REXO1: variants seen among roughly 807,000 people sequenced by gnomAD.
The protein encoded by REXO1 is RNA exonuclease 1 homolog.
In REXO1, 42 loss-of-function variants were observed where a neutral mutation model predicts 102.6. The observed-to-expected ratio is 0.41, with a 90% confidence interval of 0.32 to 0.53. REXO1 has a LOEUF of 0.53. Among genes scored for constraint, REXO1 ranks in the 20% least tolerant of loss-of-function variants. The pLI is 0.27. For synonymous variants in REXO1, 908 were observed against 779.1 expected, an observed-to-expected ratio of 1.17 and a Z score of -2.76; for missense variants, 1,819 against 1,732.5, an observed-to-expected ratio of 1.05 and a Z score of -0.89.
chr19:1,816,536 G>A lies in REXO1; in HGVS notation c.3351C>T (p.Asp1117=). ...GGACGTCACGCAGCGTGACACTTGT[G>A]TCGGCAAGGTCAGCCTCCGTCACCC... ...FSGVTEADLA[D]TSVTLRDVQA... The change falls in exon 14 of 16, where the codon GAC becomes GAT. Residue 1117 remains aspartate (D), a synonymous_variant. Transcript: ENST00000170168. 1 of 1,611,496 alleles carries A rather than the reference G, an allele frequency of 6.2e-7. No individual in the cohort carries two copies. The highest frequency in any genetic ancestry group is 8.5e-7 in the Non-Finnish European group (1 of 1,179,212).
In REXO1 at chr19:1,817,309, C is replaced by T. The variant is rs1164211770; in HGVS notation, c.3111G>A (p.Arg1037=). 6.2e-7 allele frequency: 1 copy of T among 1,612,864 alleles called. No individual in the cohort carries two copies. The highest frequency in any genetic ancestry group is 2.2e-5 in the East Asian group (1 of 44,884). The part of the protein sequence containing the change: ...QVAKQHVQDG[R]KERLEGFVKT... ...TCACGAAGCCCTCAAGGCGCTCCTT[C>T]CGGCCATCCTGCACGTGTTGCTGGG... Residue 1037 remains arginine (R), a synonymous_variant, in exon 12 of 16, where the codon CGG becomes CGA. Transcript: ENST00000170168.
At chr19:1,820,753 G>C (rs938498056) in intron 5 of REXO1, among the ~76,000 whole-genome samples, 1 of 152,170 alleles carries the variant, frequency 6.6e-6, no homozygotes, top group Non-Finnish European at 1.5e-5. Context: ...AGCACTTTGG[G>C]AGGCTGAGGC....
intron 4 of REXO1, chr19:1,822,013 C>G (rs533734556): frequency 9.5e-6 from 5 of 524,602 alleles, no homozygotes; most frequent in Admixed American, 4.0e-5. Flanking sequence ...GACAGAGGAC[C>G]GAAGGGTCTC....
chr19:1,845,813 T>A (rs1179122345), intron 1 of REXO1, among the ~76,000 whole-genome samples: 1 of 152,098 alleles, frequency 6.6e-6, no homozygotes, highest in Non-Finnish European at 1.5e-5. Flanking sequence ...ACCTTCCTGT[T>A]CCCGTCGCAG....
rs149229095 is a variant in REXO1 at position 1,830,035 on chromosome 19, C to T, written c.158-1404G>A. 1.4e-4 allele frequency among the ~76,000 whole-genome samples: 22 copies of T among 152,276 alleles called. No individual in the cohort carries two copies. In the East Asian group the frequency reaches 4.0e-3, roughly 28 times the overall value. On this transcript the variant is annotated intron_variant, in intron 1 of 15. Coordinates refer to ENST00000170168, the MANE Select transcript of REXO1 (RefSeq NM_020695.4). ...GGTTCCAGAACATAGTGTAGCAGAC[C>T]CTCACAACCTCAATGCCACCAACGT...
intron 1 of REXO1, among the ~76,000 whole-genome samples, chr19:1,836,447 A>C (rs566634903): frequency 2.6e-5 from 4 of 152,106 alleles, no homozygotes; most frequent in Non-Finnish European, 5.9e-5. Context: ...CAGTGGCTCT[A>C]AAGAACCCGG....
At chr19:1,834,520 C>A (rs996241836) in intron 1 of REXO1, among the ~76,000 whole-genome samples, 3 of 152,194 alleles carry the variant, frequency 2.0e-5, no homozygotes, top group Admixed American at 2.0e-4. Flanking sequence ...CTCCAGCGAT[C>A]CTCCCGCCTC....
intron 1 of REXO1, among the ~76,000 whole-genome samples, chr19:1,837,659 G>A (rs762852289): frequency 4.6e-5 from 7 of 152,148 alleles, no homozygotes; most frequent in African/African-American, 9.7e-5. Flanking sequence ...CTGCAGCAGC[G>A]GCACCTGGGG....
Position 1,827,647 on chromosome 19 carries a change from G to T in REXO1, c.1142C>A (p.Thr381Asn), listed in dbSNP as rs780568842. The T allele has an allele frequency of 1.0e-4, 164 of 1,569,996 alleles. No homozygotes were observed. Among genetic ancestry groups the T allele is most frequent in the Non-Finnish European group, 1.2e-4 (143 of 1,171,838 alleles). ...GCAGCTGGGGGCAGGTGGGGCCCCG[G>T]TTTTTTTCTTCTTGGGTTTTCCCTC... The part of the protein sequence containing the change: ...PKEGKPKKKK[T>N]GAPPAPSCKD... Residue 381 changes from threonine (T) to asparagine (N), a missense_variant, in exon 2 of 16, where the codon ACC (threonine) becomes AAC (asparagine). Coordinates refer to ENST00000170168, the MANE Select transcript of REXO1 (RefSeq NM_020695.4).
At chr19:1,840,405 G>A (rs1052404010) in intron 1 of REXO1, among the ~76,000 whole-genome samples, 3 of 152,122 alleles carry the variant, frequency 2.0e-5, no homozygotes, top group Non-Finnish European at 4.4e-5. Flanking sequence ...CTGCCCAACC[G>A]CAGGAGCGCT....
chr19:1,846,215 G>A (rs1483895066), intron 1 of REXO1, among the ~76,000 whole-genome samples: 3 of 152,184 alleles, frequency 2.0e-5, no homozygotes, highest in Admixed American at 6.5e-5. Context: ...TAGGAAACTG[G>A]GTGTGTGTAA....
In REXO1 at chr19:1,828,621, G is replaced by A. The variant is rs200915302; in HGVS notation, c.168C>T (p.Tyr56=). Residue 56 remains tyrosine, a synonymous_variant, in exon 2 of 16, where the codon TAC becomes TAT. Coordinates refer to ENST00000170168, the MANE Select transcript of REXO1 (RefSeq NM_020695.4). ...TGGGCAGCTCAGGGTTGTAGGGGTC[G>A]TAACCCAGCCCTGAAGGGAACAGAG... The part of the protein sequence containing the change: ...GEAPPAAGLG[Y]DPYNPELPKP... 1,457 of 1,599,302 alleles carry A rather than the reference G, an allele frequency of 9.1e-4. 7 individuals carry two copies. The African/African-American group carries it at 0.016, about 18-fold the overall frequency.
At chr19:1,823,025 T>G (rs928726247) in intron 4 of REXO1, 1 of 152,872 alleles carries the variant, frequency 6.5e-6, no homozygotes, top group Non-Finnish European at 1.5e-5. Context: ...ACACCACTGA[T>G]GTGAAGACGC....
Position 1,816,034 on chromosome 19 carries a change from G to A in REXO1, c.*32C>T, listed in dbSNP as rs1044243564. On this transcript the variant is annotated 3_prime_UTR_variant, in exon 16 of 16. Transcript: ENST00000170168. ...GCATGGGGCTAAGGACCAGCGGGAC[G>A]GCAGGAGAGGCGGGTGGGAGGCGGG... The A allele has an allele frequency of 3.6e-5, 56 of 1,540,866 alleles. No homozygotes were observed. The highest frequency in any genetic ancestry group is 3.9e-5 in the Non-Finnish European group (45 of 1,147,284).
At chr19:1,836,374 G>A (rs73519126) in intron 1 of REXO1, among the ~76,000 whole-genome samples, 3,101 of 152,240 alleles carry the variant, frequency 0.02, 101 homozygotes, top group African/African-American at 0.071. Flanking sequence ...CAGTGCCAGC[G>A]AGAGCCGGCA....
At position 1,827,654 on chromosome 19, in the gene REXO1, T is replaced by C. The variant is rs2069777463; in HGVS notation, c.1135A>G (p.Lys379Glu). Residue 379 changes from lysine to glutamate, a missense_variant, in exon 2 of 16, where the codon AAA becomes GAA. Coordinates refer to ENST00000170168, the MANE Select transcript of REXO1 (RefSeq NM_020695.4). ...GCPKEGKPKK[K>E]KTGAPPAPSC... ...GGGGCAGGTGGGGCCCCGGTTTTTTTCTTCTTGGGTTTTCCCTCCTTGGGG... is the reference window on the plus strand; with the variant it reads ...GGGGCAGGTGGGGCCCCGGTTTTTTCCTTCTTGGGTTTTCCCTCCTTGGGG... 6.4e-7 allele frequency: 1 copy of C among 1,568,688 alleles called. No individual in the cohort carries two copies. The highest frequency in any genetic ancestry group is 8.5e-7 in the Non-Finnish European group (1 of 1,171,580).
chr19:1,827,521 G>A lies in REXO1; in HGVS notation c.1268C>T (p.Pro423Leu). ...TTCCGGCCGCTCTGCCTTGCGCCGG[G>A]GGCTGCTGGCCTGCGGGCCCTTCTT... Reference protein sequence around the residue: ...ADKKGPQASSPRRKAERPEGT... With the variant: ...ADKKGPQASSLRRKAERPEGT... The change falls in exon 2 of 16, where the codon CCC (proline) becomes CTC (leucine). Residue 423 changes from proline to leucine, a missense_variant. Physicochemically the swap from Pro to Leu is moderately conservative, Grantham distance 98. Transcript: ENST00000170168. 6.3e-7 allele frequency: 1 copy of A among 1,583,738 alleles called. No homozygotes were observed. The highest frequency in any genetic ancestry group is 8.5e-7 in the Non-Finnish European group (1 of 1,173,808).
Position 1,815,892 on chromosome 19 carries a change from C to A in REXO1, c.*174G>T, listed in dbSNP as rs1036929242. On this transcript the variant is annotated 3_prime_UTR_variant, in exon 16 of 16. Coordinates refer to ENST00000170168, the MANE Select transcript of REXO1 (RefSeq NM_020695.4). The surrounding 1 kb of genome is among the most constrained non-coding windows in gnomAD (Gnocchi z 4.0). Reference sequence around the variant, plus strand: ...GGACCGGCGGAGGGGTGCGGCAGGACGTGAGCGGGGGTGGGCTGGGCTGGG... The same window carrying A: ...GGACCGGCGGAGGGGTGCGGCAGGAAGTGAGCGGGGGTGGGCTGGGCTGGG... 3.2e-6 allele frequency: 4 copies of A among 1,238,232 alleles called. No individual in the cohort carries two copies. The Admixed American group carries it at 9.7e-5, about 30-fold the overall frequency. The allele number at this position is 1,238,232 out of a possible 1,614,324, so 76.7% of individuals were successfully genotyped here.
In REXO1 at chr19:1,815,988, T is replaced by C. The variant is rs1239302009; in HGVS notation, c.*78A>G. ...CCAGGTGGACGGGTTACCGGAGATT[T>C]ATTGCACTGTTTTGGAAGAGGCATG... On this transcript the variant is annotated 3_prime_UTR_variant, in exon 16 of 16. Transcript: ENST00000170168. This position sits in a 1 kb window ranked among gnomAD's most constrained non-coding sequence, Gnocchi z 4.0. 6.5e-7 allele frequency: 1 copy of C among 1,536,268 alleles called. No individual in the cohort carries two copies. The highest frequency in any genetic ancestry group is 1.2e-5 in the South Asian group (1 of 84,064).
Sources: gnomAD v4.1 joint callset for allele counts (sites outside exome capture counted in the v4.1 genomes callset) on GRCh38, gnomAD v4.1.1 for gene constraint, Gnocchi (gnomAD v3.1) non-coding constraint, MANE v1.5 for transcripts, NCBI Gene and HGNC (gene_info 2026-07-23, HGNC 2026-07-21) for gene names.